The following TFCP2L1 variants were observed in gnomAD, a reference collection of about 807,000 sequenced individuals.
TFCP2L1 encodes the protein transcription factor CP2 like 1, also known as transcription factor CP2-like protein 1.
TFCP2L1 carries 12 observed loss-of-function variants against 72.2 expected under a neutral mutation model. The observed-to-expected ratio is 0.17, with a 90% CI of 0.11 to 0.27. The LOEUF (loss-of-function observed/expected upper bound fraction) is 0.27. TFCP2L1 is among the 10% of genes least tolerant of loss of function. The pLI, the probability that TFCP2L1 is intolerant of heterozygous loss-of-function variation, is 1.00. For synonymous variants in TFCP2L1, 260 were observed against 251.0 expected, an observed-to-expected ratio of 1.04 and a Z score of -0.34; for missense variants, 488 against 624.6, an observed-to-expected ratio of 0.78 and a Z score of 2.33.
At chr2:121,258,455 G>A (rs994504289) in intron 2 of TFCP2L1, among the ~76,000 whole-genome samples, 7 of 152,212 alleles carry the variant, frequency 4.6e-5, no homozygotes, top group South Asian at 2.1e-4. Context: ...CAGCAATCAC[G>A]TTACTACTAA....
intron 8 of TFCP2L1, among the ~76,000 whole-genome samples, chr2:121,238,289 A>T (rs1014810836): frequency 2.0e-5 from 3 of 152,182 alleles, no homozygotes; most frequent in African/African-American, 7.2e-5. Context: ...TCAGGTGGTG[A>T]GGGGAGAGGG....
intron 7 of TFCP2L1, among the ~76,000 whole-genome samples, chr2:121,242,096 AAAAAAAAAAAAAG>A (rs1483571624): frequency 6.6e-6 from 1 of 151,604 alleles, no homozygotes; most frequent in Non-Finnish European, 1.5e-5. Context: ...AAAAAAAAAA[AAAAAAAAAAAAAG>A]GGAACCTAAT....
In TFCP2L1 at chr2:121,220,822, G is replaced by C. The variant is rs1573349240; in HGVS notation, c.*3519C>G. ...AGATATTTTGGTACCAAATTACCAT[G>C]TGTACTTTTTTTTGGTATTTATTAT... On this transcript the variant is annotated 3_prime_UTR_variant, in exon 15 of 15. Transcript: ENST00000263707. The C allele has an allele frequency of 6.6e-6, 1 of 152,182 alleles. No homozygotes were observed. The highest frequency in any genetic ancestry group is 2.4e-5 in the African/African-American group (1 of 41,456). 9.4% of individuals were successfully genotyped at this position (152,182 alleles called of 1,614,324 possible).
In TFCP2L1 at chr2:121,223,389, AAAAC is replaced by A. The variant is rs1685963062; in HGVS notation, c.*948_*951del. 2.0e-5 allele frequency: 3 copies of A among 152,302 alleles called. No homozygotes were observed. The highest frequency in any genetic ancestry group is 2.0e-4 in the Admixed American group (3 of 15,286). The allele number at this position is 152,302 out of a possible 1,614,324, so 9.4% of individuals were successfully genotyped here. A position where few individuals can be genotyped will look rare whatever the true frequency, so the allele number is the denominator to read the frequency against. On this transcript the variant is annotated 3_prime_UTR_variant, in exon 15 of 15. Transcript: ENST00000263707. ...ACATGTAAGTGAGGGGCACTCAGAGAAAACACATCGCTCCTGTGGCAAGTTTAGC... is the reference window on the plus strand; with the variant it reads ...ACATGTAAGTGAGGGGCACTCAGAGAACATCGCTCCTGTGGCAAGTTTAGC...
chr2:121,268,410 G>C (rs1275752163), intron 2 of TFCP2L1, among the ~76,000 whole-genome samples: 1 of 151,970 alleles, frequency 6.6e-6, no homozygotes, highest in East Asian at 1.9e-4. Flanking sequence ...CTGGAGTGCA[G>C]TGGCACGATC....
In TFCP2L1 at chr2:121,237,904, C is replaced by T. The variant is rs377703919; in HGVS notation, c.861-54G>A. 1.3e-5 allele frequency: 21 copies of T among 1,596,538 alleles called. No individual in the cohort carries two copies. The African/African-American group carries it at 2.4e-4, about 18-fold the overall frequency. On this transcript the variant is annotated intron_variant, in intron 8 of 14. Coordinates refer to ENST00000263707, the MANE Select transcript of TFCP2L1 (RefSeq NM_014553.3). ...ACAGAGGGGGCTCCCAGGGCAATGG[C>T]CACGGTCCCGGCACCCAGCCTGGCA...
intron 7 of TFCP2L1, among the ~76,000 whole-genome samples, chr2:121,241,023 C>T (rs1406896632): frequency 6.6e-6 from 1 of 152,254 alleles, no homozygotes; most frequent in Non-Finnish European, 1.5e-5. Context: ...TCACCCCTAA[C>T]AGCCTTAATC....
chr2:121,250,940 TA>T (rs1483374229), intron 2 of TFCP2L1, among the ~76,000 whole-genome samples: 1 of 151,732 alleles, frequency 6.6e-6, no homozygotes, highest in Non-Finnish European at 1.5e-5. Flanking sequence ...TTAATTTTTT[TA>T]TTTTTAATAA....
At chr2:121,258,843 T>C (rs755716702) in intron 2 of TFCP2L1, among the ~76,000 whole-genome samples, 1 of 152,148 alleles carries the variant, frequency 6.6e-6, no homozygotes, top group African/African-American at 2.4e-5. Context: ...GAATAGATGA[T>C]AGGTGAGGGT....
At chr2:121,264,765 G>C (rs932199393) in intron 2 of TFCP2L1, among the ~76,000 whole-genome samples, 6 of 152,196 alleles carry the variant, frequency 3.9e-5, no homozygotes, top group African/African-American at 1.4e-4. Context: ...GCTTTATGAG[G>C]CTGGCAGATG....
In TFCP2L1 at chr2:121,247,499, G is replaced by A. The variant is rs150565272; in HGVS notation, c.505-529C>T. ...ATATTATAAGAATCCATACATAACT[G>A]TAATAATAACAATGTAATAATTTTT... On this transcript the variant is annotated intron_variant, in intron 5 of 14. Coordinates refer to ENST00000263707, the MANE Select transcript of TFCP2L1 (RefSeq NM_014553.3). Among the ~76,000 whole-genome samples the A allele has an allele frequency of 3.5e-3, 535 of 151,266 alleles. 5 individuals are homozygous for A. Among genetic ancestry groups the A allele is most frequent in the African/African-American group, 0.012 (499 of 41,060 alleles).
intron 2 of TFCP2L1, among the ~76,000 whole-genome samples, chr2:121,265,552 C>T (rs1387645442): frequency 6.6e-6 from 1 of 151,764 alleles, no homozygotes; most frequent in African/African-American, 2.4e-5. Flanking sequence ...GGTGCAATCT[C>T]GGCTCATCAC....
At chr2:121,233,964 G>T in intron 12 of TFCP2L1, 127 bp downstream of exon 12, 1 of 817,624 alleles carries the variant, frequency 1.2e-6, no homozygotes, top group Non-Finnish European at 2.0e-6. Flanking sequence ...CTTTCCACGT[G>T]TGGGCATGTG....
At chr2:121,227,409 C>T (rs930494914) in intron 13 of TFCP2L1, among the ~76,000 whole-genome samples, 16 of 152,154 alleles carry the variant, frequency 1.1e-4, no homozygotes, top group African/African-American at 3.1e-4. Flanking sequence ...AGGCCGGGCG[C>T]GGTGGCTCAC....
At chr2:121,282,230 G>A (rs938488631) in intron 1 of TFCP2L1, among the ~76,000 whole-genome samples, 7 of 148,408 alleles carry the variant, frequency 4.7e-5, no homozygotes, top group Non-Finnish European at 8.9e-5. Flanking sequence ...ACCGCGCCCA[G>A]CCCAGTCTAT....
intron 2 of TFCP2L1, among the ~76,000 whole-genome samples, chr2:121,276,434 A>G (rs1687148290): frequency 6.6e-6 from 1 of 152,080 alleles, no homozygotes; most frequent in Non-Finnish European, 1.5e-5. Flanking sequence ...GGAGTTCAAG[A>G]GCAGCTTGGG....
At chr2:121,236,294 G>A (rs537002497) in intron 10 of TFCP2L1, among the ~76,000 whole-genome samples, 9 of 152,282 alleles carry the variant, frequency 5.9e-5, no homozygotes, top group African/African-American at 1.9e-4. Context: ...CACAGGGTGT[G>A]TTTGGCTCTA....
chr2:121,283,703 G>A (rs1687309439), intron 1 of TFCP2L1, among the ~76,000 whole-genome samples: 1 of 152,060 alleles, frequency 6.6e-6, no homozygotes, highest in Admixed American at 6.5e-5. Flanking sequence ...TCAACTCAGG[G>A]TCACCTTCAA....
intron 6 of TFCP2L1, among the ~76,000 whole-genome samples, chr2:121,244,703 G>A (rs185619967): frequency 1.1e-4 from 17 of 152,152 alleles, no homozygotes; most frequent in South Asian, 4.1e-4. Context: ...CCAGCACAGC[G>A]TCTCCCCCAG....
Sources: allele counts gnomAD v4.1 joint callset (sites outside exome capture counted in the v4.1 genomes callset), GRCh38; gene constraint gnomAD v4.1.1; transcripts MANE v1.5; gene names NCBI Gene and HGNC (gene_info 2026-07-23, HGNC 2026-07-21).